Variants in PTPN1 observed in about 807,000 individuals in gnomAD.
PTPN1 encodes the protein protein tyrosine phosphatase non-receptor type 1.
In PTPN1, 12 loss-of-function variants were observed where a neutral mutation model predicts 59.9. That is an observed-to-expected ratio of 0.20 (90% confidence interval 0.13 to 0.32). PTPN1 has a LOEUF of 0.32. Among genes scored for constraint, PTPN1 ranks in the 10% least tolerant of loss-of-function variants. The probability of loss-of-function intolerance (pLI) is 1.00; values close to 1 mark genes in which losing one functional copy is unlikely to be tolerated. For missense variants in PTPN1, 356 were observed against 549.2 expected (o/e 0.65, Z 3.52); for synonymous variants, 178 against 203.6 (o/e 0.87, Z 1.07).
At chr20:50,521,971 C>G (rs2082553587) in intron 1 of PTPN1, among the ~76,000 whole-genome samples, 1 of 152,156 alleles carries the variant, frequency 6.6e-6, no homozygotes, top group Non-Finnish European at 1.5e-5. Context: ...AACCCCTACC[C>G]CAAGCTGAGT....
intron 8 of PTPN1, among the ~76,000 whole-genome samples, chr20:50,580,389 A>G (rs1191687205): frequency 6.6e-6 from 1 of 152,156 alleles, no homozygotes; most frequent in Admixed American, 6.5e-5. Flanking sequence ...ATTATTGAGT[A>G]CCTATTGATA....
chr20:50,578,772 C>T (rs1473409768), intron 6 of PTPN1, 143 bp downstream of exon 6: 5 of 715,478 alleles, frequency 7.0e-6, no homozygotes, highest in African/African-American at 3.6e-5. Context: ...CTAATAAAGG[C>T]GTACCTGAGA....
rs538645990 is a variant in PTPN1 at position 50,534,716 on chromosome 20, A to G, written c.63+24126A>G. Among the ~76,000 whole-genome samples the G allele has an allele frequency of 9.2e-5, 14 of 151,950 alleles. No individual in the cohort carries two copies. The South Asian group carries it at 2.7e-3, about 29-fold the overall frequency. On this transcript the variant is annotated intron_variant, in intron 1 of 9. Transcript: ENST00000371621. ...ATCCAGTTGACTGCCAAGTCCTCCA[A>G]CTTAATCCTTATCCTTTTTTTTTTA...
rs71190575 is a variant in PTPN1, at chr20:50,534,948, TGAACTCCTGCCTTCAGGCG to T, written c.63+24379_63+24397del. ...GTCTCACTGTTGCTCAGGCTGGCCT[TGAACTCCTGCCTTCAGGCG>T]GAACTCCTGCCTTCAGGCGGTCCTC... On this transcript the variant is annotated intron_variant, in intron 1 of 9. Transcript: ENST00000371621. 9.3e-5 allele frequency among the ~76,000 whole-genome samples: 14 copies of T among 151,246 alleles called. No homozygotes were observed. In the South Asian group the frequency reaches 1.3e-3, roughly 14 times the overall value.
At chr20:50,552,277 T>C (rs1343203184) in intron 1 of PTPN1, among the ~76,000 whole-genome samples, 1 of 152,240 alleles carries the variant, frequency 6.6e-6, no homozygotes, top group Non-Finnish European at 1.5e-5. Flanking sequence ...TAAAGACTTG[T>C]ACTCAGAGTA....
intron 1 of PTPN1, among the ~76,000 whole-genome samples, chr20:50,553,254 C>T (rs1290322006): frequency 6.6e-6 from 1 of 152,148 alleles, no homozygotes; most frequent in Non-Finnish European, 1.5e-5. Flanking sequence ...AAAGCATTAC[C>T]TTAGTAGACT....
chr20:50,519,682 C>G (rs1468579864), intron 1 of PTPN1, among the ~76,000 whole-genome samples: 1 of 152,162 alleles, frequency 6.6e-6, no homozygotes, highest in Non-Finnish European at 1.5e-5. Context: ...AAACTGTGCT[C>G]CCGTAGTTTC....
intron 1 of PTPN1, among the ~76,000 whole-genome samples, chr20:50,537,290 T>C (rs575782421): frequency 2.0e-5 from 3 of 152,206 alleles, no homozygotes; most frequent in South Asian, 2.1e-4. Context: ...ACCATTCCAC[T>C]CCAGCCTGGG....
intron 1 of PTPN1, among the ~76,000 whole-genome samples, chr20:50,525,058 T>C (rs369298367): frequency 2.5e-4 from 38 of 152,290 alleles, no homozygotes; most frequent in African/African-American, 8.4e-4. Flanking sequence ...TTTATGGTTA[T>C]TTATATTTAT....
At chr20:50,535,559 G>A (rs1288156585) in intron 1 of PTPN1, among the ~76,000 whole-genome samples, 1 of 152,156 alleles carries the variant, frequency 6.6e-6, no homozygotes, top group African/African-American at 2.4e-5. Context: ...GACTCCATCT[G>A]CTTAGGGGAA....
intron 1 of PTPN1, among the ~76,000 whole-genome samples, chr20:50,519,805 C>T (rs2082543554): frequency 6.6e-6 from 1 of 152,076 alleles, no homozygotes; most frequent in Non-Finnish European, 1.5e-5. Flanking sequence ...CAGTTGGCCT[C>T]CCACCTTTAG....
chr20:50,560,743 C>A (rs2082748334), intron 1 of PTPN1, among the ~76,000 whole-genome samples: 1 of 150,488 alleles, frequency 6.6e-6, no homozygotes, highest in African/African-American at 2.4e-5. Flanking sequence ...TAGTAATAAA[C>A]AATATAAAAT....
chr20:50,524,721 C>T (rs1414651858), intron 1 of PTPN1, among the ~76,000 whole-genome samples: 1 of 151,324 alleles, frequency 6.6e-6, no homozygotes, highest in Non-Finnish European at 1.5e-5. Context: ...GGATTACAGG[C>T]GCCTGCCACT....
chr20:50,531,173 G>A (rs2082599401), intron 1 of PTPN1, among the ~76,000 whole-genome samples: 1 of 152,124 alleles, frequency 6.6e-6, no homozygotes, highest in African/African-American at 2.4e-5. Flanking sequence ...GAACAGAGTA[G>A]GTAGTTCCTC....
At chr20:50,552,435 A>G (rs1244235600) in intron 1 of PTPN1, among the ~76,000 whole-genome samples, 1 of 152,118 alleles carries the variant, frequency 6.6e-6, no homozygotes, top group East Asian at 1.9e-4. Context: ...CCTTTGCTGC[A>G]TTGTTACCTT....
intron 1 of PTPN1, among the ~76,000 whole-genome samples, chr20:50,525,205 A>T (rs989503439): frequency 6.7e-6 from 1 of 149,996 alleles, no homozygotes; most frequent in Non-Finnish European, 1.5e-5. Flanking sequence ...GATTACAGTC[A>T]CCCGCCACTA....
chr20:50,529,804 A>T (rs1280823363), intron 1 of PTPN1, among the ~76,000 whole-genome samples: 1 of 152,092 alleles, frequency 6.6e-6, no homozygotes, highest in Non-Finnish European at 1.5e-5. Context: ...AGCTGATGAC[A>T]TGTCTATTCT....
chr20:50,550,596 T>C (rs2082697991), intron 1 of PTPN1, among the ~76,000 whole-genome samples: 1 of 152,270 alleles, frequency 6.6e-6, no homozygotes, highest in Non-Finnish European at 1.5e-5. Context: ...ACACATTCCC[T>C]TTCAGGAGCA....
intron 1 of PTPN1, among the ~76,000 whole-genome samples, chr20:50,521,551 A>G (rs2082551109): frequency 6.6e-6 from 1 of 152,202 alleles, no homozygotes; most frequent in Non-Finnish European, 1.5e-5. Context: ...CATGGCTGTG[A>G]AGAGAGACAG....
Sources: allele counts gnomAD v4.1 joint callset (sites outside exome capture counted in the v4.1 genomes callset), GRCh38; gene constraint gnomAD v4.1.1; transcripts MANE v1.5; gene names NCBI Gene and HGNC (gene_info 2026-07-23, HGNC 2026-07-21).